KIF21A: variants seen among roughly 807,000 people sequenced by gnomAD.
KIF21A encodes the protein kinesin-like protein KIF21A.
Under a neutral mutation model 202.9 loss-of-function variants are expected in KIF21A, and 114 were observed. That is an observed-to-expected ratio of 0.56 (90% CI 0.48 to 0.66). The LOEUF (loss-of-function observed/expected upper bound fraction) is 0.66. KIF21A is among the 30% of genes least tolerant of loss of function. KIF21A has a pLI of 0.00. For synonymous variants in KIF21A, 667 were observed against 670.8 expected (o/e 0.99, Z 0.09); for missense variants, 1,677 against 1,994.9 (o/e 0.84, Z 3.04).
rs753640156 is a variant in KIF21A at position 39,363,078 on chromosome 12, G to C, written c.1019+20C>G. On this transcript the variant is annotated intron_variant, in intron 7 of 37. Transcript: ENST00000361418. ...ATGAATAATCAAAAGTCTGAGTAGA[G>C]GATAATCATCTATGCATACCTATTA... 7.3e-7 allele frequency: 1 copy of C among 1,367,856 alleles called. No homozygotes were observed. Among genetic ancestry groups the C allele is most frequent in the East Asian group, 2.3e-5 (1 of 43,622 alleles). The allele number at this position is 1,367,856 out of a possible 1,614,324, so 84.7% of individuals were successfully genotyped here. A position where few individuals can be genotyped will look rare whatever the true frequency, so the allele number is the denominator to read the frequency against.
chr12:39,397,180 G>T (rs1951819250), intron 1 of KIF21A, among the ~76,000 whole-genome samples: 1 of 152,078 alleles, frequency 6.6e-6, no homozygotes, highest in Non-Finnish European at 1.5e-5. Flanking sequence ...GAATTTTATG[G>T]TCTATAAATT....
intron 1 of KIF21A, 96 bp from the exon 2 acceptor site, chr12:39,370,357 T>A: frequency 1.2e-6 from 1 of 855,120 alleles, no homozygotes; most frequent in East Asian, 2.5e-5. Flanking sequence ...AAATCTTTTT[T>A]AAAACTCATG....
At chr12:39,385,636 ACT>A (rs1183322710) in intron 1 of KIF21A, among the ~76,000 whole-genome samples, 3 of 152,184 alleles carry the variant, frequency 2.0e-5, no homozygotes, top group Non-Finnish European at 4.4e-5. Flanking sequence ...AGACTTGAAG[ACT>A]CAAAGAAATT....
At chr12:39,425,172 C>A (rs1954645490) in intron 1 of KIF21A, among the ~76,000 whole-genome samples, 1 of 152,146 alleles carries the variant, frequency 6.6e-6, no homozygotes, top group South Asian at 2.1e-4. Flanking sequence ...TCCTCCCAAC[C>A]AAGGACAACT....
intron 1 of KIF21A, among the ~76,000 whole-genome samples, chr12:39,439,508 T>C (rs1456268572): frequency 6.6e-6 from 1 of 152,220 alleles, no homozygotes; most frequent in Non-Finnish European, 1.5e-5. Context: ...CTTGTATCAC[T>C]ACTTCGATTT....
rs550606445 is a variant in KIF21A at position 39,298,945 on chromosome 12, C to T, written c.4931+2535G>A. Among the ~76,000 whole-genome samples the T allele has an allele frequency of 9.9e-5, 15 of 152,206 alleles. No homozygotes were observed. In the East Asian group the frequency reaches 2.1e-3, roughly 22 times the overall value. On this transcript the variant is annotated intron_variant, in intron 37 of 37. Transcript: ENST00000361418. ...TAAGGACTAAATGAGTTAATGTCTG[C>T]AAAGCAGTTAGAACAATGCCTCGCA...
At chr12:39,357,779 G>A (rs1043955614) in intron 8 of KIF21A, among the ~76,000 whole-genome samples, 20 of 151,134 alleles carry the variant, frequency 1.3e-4, no homozygotes, top group African/African-American at 4.9e-4. Flanking sequence ...GTGTGGTGGC[G>A]GGTGCCTATA....
At chr12:39,295,138 A>T (rs1404636809) in intron 37 of KIF21A, among the ~76,000 whole-genome samples, 1 of 152,260 alleles carries the variant, frequency 6.6e-6, no homozygotes, top group East Asian at 1.9e-4. Context: ...CTAATACTCC[A>T]CTTAGCACAG....
At chr12:39,302,936 C>G (rs1259472568) in intron 36 of KIF21A, 29 bp downstream of exon 36, 8 of 1,600,514 alleles carry the variant, frequency 5.0e-6, no homozygotes, top group Non-Finnish European at 6.8e-6. Flanking sequence ...GAAATGCCCA[C>G]TCTATACCAT....
chr12:39,404,236 T>TC (rs1411854436), intron 1 of KIF21A, among the ~76,000 whole-genome samples: 21 of 152,126 alleles, frequency 1.4e-4, no homozygotes, highest in African/African-American at 4.8e-4. Context: ...GTAGCTGAGG[T>TC]AAGAGGCATG....
At position 39,332,348 on chromosome 12, in the gene KIF21A, T is replaced by C; in HGVS notation, c.2917A>G (p.Lys973Glu). The stretch of plus-strand genomic sequence containing the variant: ...TTTTTATCTCCCTCTCCATTCTCCT[T>C]GACTATCTTCTCCCTTCTTTTTGAA... ...KLSKRREKIV[K>E]ENGEGDKNVA... Residue 973 changes from lysine (K) to glutamate (E), a missense_variant, in exon 21 of 38, where the codon AAG (lysine) becomes GAG (glutamate). Physicochemically the swap from Lys to Glu is moderately conservative, Grantham distance 56 (BLOSUM62 1). Around this residue, in one of 3 missense-constraint regions of KIF21A, gnomAD observed 966 missense variants for 1,180.9 expected, o/e 0.82. Transcript: ENST00000361418. 2 of 1,613,994 alleles carry C rather than the reference T, an allele frequency of 1.2e-6. No homozygotes were observed. Among genetic ancestry groups the C allele is most frequent in the Non-Finnish European group, 1.7e-6 (2 of 1,179,934 alleles).
rs996995042 is a variant in KIF21A, at chr12:39,351,758, G to A, written c.1673+19C>T. On this transcript the variant is annotated intron_variant, in intron 11 of 37. Coordinates refer to ENST00000361418, the MANE Select transcript of KIF21A (RefSeq NM_001173464.2). ...AAAAGGAAATAGAGATTCATTTAGT[G>A]GTGATTTTATAATCCCACCTTTTTT... 5.0e-6 allele frequency: 7 copies of A among 1,391,600 alleles called. No individual in the cohort carries two copies. In the Middle Eastern group the frequency reaches 1.1e-3, roughly 225 times the overall value. 86.2% of individuals were successfully genotyped at this position (1,391,600 alleles called of 1,614,324 possible). A position where few individuals can be genotyped will look rare whatever the true frequency, so the allele number is the denominator to read the frequency against.
intron 17 of KIF21A, among the ~76,000 whole-genome samples, chr12:39,335,130 A>C (rs1442491610): frequency 6.6e-6 from 1 of 152,200 alleles, no homozygotes; most frequent in East Asian, 1.9e-4. Context: ...GTTAAATAAA[A>C]GAAGCCAGAC....
chr12:39,308,795 GTAT>G (rs1296890341), intron 33 of KIF21A, among the ~76,000 whole-genome samples: 1 of 151,858 alleles, frequency 6.6e-6, no homozygotes, highest in Non-Finnish European at 1.5e-5. Flanking sequence ...CGATATAATA[GTAT>G]TATTTTTCTA....
At chr12:39,372,797 C>T (rs1176762539) in intron 1 of KIF21A, among the ~76,000 whole-genome samples, 2 of 152,122 alleles carry the variant, frequency 1.3e-5, no homozygotes, top group African/African-American at 4.8e-5. Context: ...TACCACATTA[C>T]TTTTTACCAC....
intron 31 of KIF21A, chr12:39,312,186 G>C (rs368823074): frequency 2.8e-4 from 43 of 151,928 alleles, no homozygotes; most frequent in African/African-American, 9.9e-4. Context: ...GTACTATTTA[G>C]CCATAAAAAA....
At position 39,340,864 on chromosome 12, in the gene KIF21A, G is replaced by C. The variant is rs937996319; in HGVS notation, c.2110+42C>G. 5 of 1,393,184 alleles carry C rather than the reference G, an allele frequency of 3.6e-6. No individual in the cohort carries two copies. The Admixed American group carries it at 6.8e-5, about 19-fold the overall frequency. 86.3% of individuals were successfully genotyped at this position (1,393,184 alleles called of 1,614,324 possible). A position where few individuals can be genotyped will look rare whatever the true frequency, so the allele number is the denominator to read the frequency against. The stretch of plus-strand genomic sequence containing the variant: ...GGAAAAGATAAAAACCCATTTTGAA[G>C]ATTTAGCTTGAACTTTCATTTGAAT... On this transcript the variant is annotated intron_variant, in intron 15 of 37. Coordinates refer to ENST00000361418, the MANE Select transcript of KIF21A (RefSeq NM_001173464.2).
At chr12:39,315,330 A>C in intron 30 of KIF21A, 90 bp from the exon 31 acceptor site, 1 of 1,152,682 alleles carries the variant, frequency 8.7e-7, no homozygotes, top group Non-Finnish European at 1.3e-6. Flanking sequence ...AGGGAATGAG[A>C]CAGAGAGAAA....
In KIF21A at chr12:39,442,841, G is replaced by A; in HGVS notation, c.44+86C>T. 1 of 1,478,126 alleles carries A rather than the reference G, an allele frequency of 6.8e-7. No homozygotes were observed. Among genetic ancestry groups the A allele is most frequent in the Non-Finnish European group, 9.0e-7 (1 of 1,105,180 alleles). 91.6% of individuals were successfully genotyped at this position (1,478,126 alleles called of 1,614,324 possible). ...GACGCCCCTCAGGTCGCTCCACCCC[G>A]GTAGCCGGTGCTCCGCGCCACAGCC... On this transcript the variant is annotated intron_variant, in intron 1 of 37. Coordinates refer to ENST00000361418, the MANE Select transcript of KIF21A (RefSeq NM_001173464.2). This position sits in a 1 kb window ranked among gnomAD's most constrained non-coding sequence, Gnocchi z 5.0.
Sources: allele counts gnomAD v4.1 joint callset (sites outside exome capture counted in the v4.1 genomes callset), GRCh38; gene constraint gnomAD v4.1.1; regional missense constraint gnomAD v4.1.1; non-coding constraint Gnocchi (gnomAD v3.1); transcripts MANE v1.5; gene names NCBI Gene and HGNC (gene_info 2026-07-23, HGNC 2026-07-21).